The following ARHGEF9 variants were observed in gnomAD, a reference collection of about 807,000 sequenced individuals.
ARHGEF9 encodes Cdc42 guanine nucleotide exchange factor 9.
A neutral mutation model predicts 41.3 loss-of-function variants in ARHGEF9; 2 were observed. The observed-to-expected ratio is 0.05, with a 90% confidence interval of 0.02 to 0.15. The LOEUF is 0.15. Among genes scored for constraint, ARHGEF9 ranks in the 10% least tolerant of loss-of-function variants. The probability of loss-of-function intolerance (pLI) is 1.00; values close to 1 mark genes in which losing one functional copy is unlikely to be tolerated. For missense variants in ARHGEF9, 225 were observed against 424.7 expected (o/e 0.53, Z 4.13); for synonymous variants, 160 against 154.4 (o/e 1.04, Z -0.27).
chrX:63,756,557 A>G (rs2147795210), intron 1 of ARHGEF9, among the ~76,000 whole-genome samples: 1 of 112,665 alleles, frequency 8.9e-6, no homozygotes, highest in African/African-American at 3.2e-5. Flanking sequence ...GCTAAGTGAA[A>G]GACGTGAGAA....
At chrX:63,750,961 G>C (rs1470182691) in intron 1 of ARHGEF9, among the ~76,000 whole-genome samples, 1 of 111,185 alleles carries the variant, frequency 9.0e-6, no homozygotes, top group Non-Finnish European at 1.9e-5. Flanking sequence ...CCTTTTTCTA[G>C]AGTTATTGGT....
intron 6 of ARHGEF9, among the ~76,000 whole-genome samples, chrX:63,666,695 TG>T (rs1359450048): frequency 1.8e-5 from 2 of 110,421 alleles, no homozygotes; most frequent in Non-Finnish European, 3.8e-5. Flanking sequence ...CTCTTATAAT[TG>T]TTTTTCCTTC....
At chrX:63,706,493 T>C (rs2052554871) in intron 2 of ARHGEF9, 44 bp from the exon 3 acceptor site, 1 of 1,152,171 alleles carries the variant, frequency 8.7e-7, no homozygotes, top group Admixed American at 2.4e-5. Flanking sequence ...AGCTTCCTTC[T>C]TTGGGAGGTT....
At chrX:63,685,745 C>T (rs1318551164) in intron 4 of ARHGEF9, among the ~76,000 whole-genome samples, 3 of 111,799 alleles carry the variant, frequency 2.7e-5, no homozygotes, top group African/African-American at 9.7e-5. Flanking sequence ...AATATCCATA[C>T]AGAAACCAAT....
chrX:63,641,719 G>T (rs1297920416), intron 9 of ARHGEF9: 2 of 112,164 alleles, frequency 1.8e-5, no homozygotes, highest in Non-Finnish European at 3.8e-5. Context: ...GGTTAATAGT[G>T]TCAACTTGAC....
chrX:63,780,503 T>C (rs1273625160), intron 1 of ARHGEF9, among the ~76,000 whole-genome samples: 1 of 111,349 alleles, frequency 9.0e-6, no homozygotes, highest in Non-Finnish European at 1.9e-5. Flanking sequence ...AAGAGTACAC[T>C]AGCTATAGAT....
intron 6 of ARHGEF9, among the ~76,000 whole-genome samples, chrX:63,673,008 T>C (rs2050055035): frequency 8.9e-6 from 1 of 112,043 alleles, no homozygotes; most frequent in Non-Finnish European, 1.9e-5. Flanking sequence ...ATGGGAACAT[T>C]ATCCTTCAAA....
intron 3 of ARHGEF9, among the ~76,000 whole-genome samples, chrX:63,700,674 G>A (rs1755017902): frequency 9.0e-6 from 1 of 111,313 alleles, no homozygotes; most frequent in Non-Finnish European, 1.9e-5. Context: ...CACAGCCAGA[G>A]GGGAGTGAGC....
intron 9 of ARHGEF9, among the ~76,000 whole-genome samples, chrX:63,638,873 C>T (rs192292748): frequency 8.0e-5 from 9 of 111,950 alleles, no homozygotes; most frequent in South Asian, 3.7e-4. Context: ...GCAAGGAAGA[C>T]GGAATATGTG....
chrX:63,708,616 G>T (rs2147521506), intron 2 of ARHGEF9, among the ~76,000 whole-genome samples: 1 of 111,301 alleles, frequency 9.0e-6, no homozygotes, highest in East Asian at 2.8e-4. Context: ...TGTGTAGCAG[G>T]GTCCTTCATA....
At chrX:63,742,594 T>G (rs185453492) in intron 1 of ARHGEF9, among the ~76,000 whole-genome samples, 1 of 111,854 alleles carries the variant, frequency 8.9e-6, no homozygotes, top group Non-Finnish European at 1.9e-5. Flanking sequence ...CAAAATGACA[T>G]GTAGTTTATC....
intron 1 of ARHGEF9, among the ~76,000 whole-genome samples, chrX:63,745,403 C>T (rs1468173961): frequency 9.0e-6 from 1 of 111,078 alleles, no homozygotes; most frequent in Non-Finnish European, 1.9e-5. Context: ...GGACTACTAA[C>T]AGGCCTGCTC....
chrX:63,768,511 T>G (rs1254363938), intron 1 of ARHGEF9, among the ~76,000 whole-genome samples: 3 of 112,436 alleles, frequency 2.7e-5, no homozygotes, highest in East Asian at 2.8e-4. Context: ...GTGAGATAGC[T>G]GGATCAAATG....
chrX:63,731,256 C>G (rs1569494738), intron 1 of ARHGEF9, among the ~76,000 whole-genome samples: 1 of 111,751 alleles, frequency 8.9e-6, no homozygotes, highest in Non-Finnish European at 1.9e-5. Context: ...TAAACTTGGG[C>G]AAGAGCAAAT....
chrX:63,767,443 T>C (rs1402136946), intron 1 of ARHGEF9: 16 of 330,968 alleles, frequency 4.8e-5, no homozygotes, highest in Non-Finnish European at 7.8e-5. Flanking sequence ...TCTGATAAAA[T>C]CTAGTTCTGT....
intron 7 of ARHGEF9, chrX:63,658,139 T>C (rs1451839098): frequency 8.9e-6 from 1 of 112,196 alleles, no homozygotes; most frequent in Non-Finnish European, 1.9e-5. Context: ...CTCCTATTGT[T>C]TCTTTAGATA....
At chrX:63,644,208 A>G (rs1437676875) in intron 8 of ARHGEF9, 160 bp from the exon 9 acceptor site, 1 of 400,500 alleles carries the variant, frequency 2.5e-6, no homozygotes, top group East Asian at 4.1e-5. Flanking sequence ...AGTAATTTCT[A>G]GGAATTTCAC....
At chrX:63,766,966 C>A in intron 1 of ARHGEF9, 1 of 537,058 alleles carries the variant, frequency 1.9e-6, no homozygotes, top group Non-Finnish European at 3.2e-6. Context: ...AAAACAGCCA[C>A]AGCAGATGAT....
At chrX:63,710,705 TA>T (rs370656851) in intron 2 of ARHGEF9, among the ~76,000 whole-genome samples, 2 of 111,448 alleles carry the variant, frequency 1.8e-5, no homozygotes, top group Middle Eastern at 4.6e-3. Flanking sequence ...TGAACATTTA[TA>T]AAAAATCCAT....
Sources: allele counts gnomAD v4.1 joint callset (sites outside exome capture counted in the v4.1 genomes callset), GRCh38; gene constraint gnomAD v4.1.1; transcripts MANE v1.5; gene names NCBI Gene and HGNC (gene_info 2026-07-23, HGNC 2026-07-21).